MOSPD2: variants seen among roughly 807,000 people sequenced by gnomAD.
MOSPD2 encodes motile sperm domain-containing protein 2.
A neutral mutation model predicts 41.7 loss-of-function variants in MOSPD2; 5 were observed. The observed-to-expected ratio is 0.12, with a 90% confidence interval of 0.06 to 0.25. MOSPD2 has a LOEUF of 0.25. Ranked by LOEUF, MOSPD2 falls within the 10% of genes least tolerant of loss-of-function variation. MOSPD2 has a pLI of 1.00. For missense variants in MOSPD2, 282 were observed against 375.2 expected (o/e 0.75, Z 2.05); for synonymous variants, 115 against 126.9 (o/e 0.91, Z 0.63).
chrX:14,877,158 T>TA (rs1294931438), intron 2 of MOSPD2, among the ~76,000 whole-genome samples: 1 of 111,774 alleles, frequency 8.9e-6, no homozygotes, highest in Non-Finnish European at 1.9e-5. Flanking sequence ...CATGTGTTTG[T>TA]ACTTTAGTTA....
chrX:14,919,999 T>C lies in MOSPD2; in HGVS notation c.*190T>C, dbSNP rs756407781. On this transcript the variant is annotated 3_prime_UTR_variant, in exon 15 of 15. Coordinates refer to ENST00000380492, the MANE Select transcript of MOSPD2 (RefSeq NM_152581.4). ...CTAGAATAAAGAAATGCTGGAGAAATTGATTATAAGAGACTATAGCTATTT... is the reference window on the plus strand; with the variant it reads ...CTAGAATAAAGAAATGCTGGAGAAACTGATTATAAGAGACTATAGCTATTT... 1.0e-6 allele frequency: 1 copy of C among 969,234 alleles called. No homozygotes were observed. Among genetic ancestry groups the C allele is most frequent in the East Asian group, 4.1e-5 (1 of 24,473 alleles). 79.9% of individuals were successfully genotyped at this position (969,234 alleles called of 1,213,427 possible). A position where few individuals can be genotyped will look rare whatever the true frequency, so the allele number is the denominator to read the frequency against.
At chrX:14,901,474 T>G (rs1313103523) in intron 6 of MOSPD2, among the ~76,000 whole-genome samples, 1 of 111,436 alleles carries the variant, frequency 9.0e-6, no homozygotes, top group South Asian at 3.7e-4. Flanking sequence ...ATTATCTTAA[T>G]TTGGCATGTT....
intron 2 of MOSPD2, among the ~76,000 whole-genome samples, chrX:14,883,503 A>G (rs2092535705): frequency 8.9e-6 from 1 of 112,049 alleles, no homozygotes; most frequent in Non-Finnish European, 1.9e-5. Context: ...ATTTCAATCA[A>G]AACTAGTTTA....
chrX:14,893,281 C>T (rs761856700), intron 3 of MOSPD2: 28 of 114,572 alleles, frequency 2.4e-4, no homozygotes, highest in African/African-American at 6.8e-4. Flanking sequence ...TTAATAGGTA[C>T]GCCATATAGA....
intron 7 of MOSPD2, 148 bp downstream of exon 7, chrX:14,903,152 A>G: frequency 2.3e-6 from 1 of 426,268 alleles, no homozygotes; most frequent in Non-Finnish European, 4.1e-6. Context: ...CTCAAAGGCT[A>G]TTCCTAAGCA....
intron 7 of MOSPD2, among the ~76,000 whole-genome samples, chrX:14,905,958 T>C (rs2092581402): frequency 8.9e-6 from 1 of 111,757 alleles, no homozygotes. Context: ...AATCCATGGA[T>C]GTGAAACCTG....
chrX:14,882,299 C>G (rs763635664), intron 2 of MOSPD2, among the ~76,000 whole-genome samples: 9 of 110,720 alleles, frequency 8.1e-5, no homozygotes, highest in African/African-American at 3.0e-4. Flanking sequence ...ATTGAACTCA[C>G]GCAAGTAGTG....
At chrX:14,877,085 AGG>A (rs1488072222) in intron 2 of MOSPD2, among the ~76,000 whole-genome samples, 1 of 111,501 alleles carries the variant, frequency 9.0e-6, no homozygotes, top group Non-Finnish European at 1.9e-5. Flanking sequence ...AACCTTAAGG[AGG>A]GTAAGCACAC....
chrX:14,877,789 C>T (rs372332077), intron 2 of MOSPD2, among the ~76,000 whole-genome samples: 10 of 105,062 alleles, frequency 9.5e-5, no homozygotes, highest in Admixed American at 8.1e-4. Flanking sequence ...CTGGCGAACA[C>T]GGTGAAACCC....
Position 14,885,604 on chromosome X carries a change from G to A in MOSPD2, c.80-7119G>A, listed in dbSNP as rs368136519. 65 of 111,207 alleles carry A rather than the reference G, an allele frequency of 5.8e-4. 1 individual carries two copies. The South Asian group carries it at 0.022, about 38-fold the overall frequency. 9.2% of individuals were successfully genotyped at this position (111,207 alleles called of 1,213,427 possible). On this transcript the variant is annotated intron_variant, in intron 2 of 14. Transcript: ENST00000380492. ...TATATAGGATAACTTAGTTATGAAC[G>A]TGGCAGGAAAATATGAGGTATAAAG...
chrX:14,921,284 A>G lies in MOSPD2; in HGVS notation c.*1475A>G, dbSNP rs1236098753. ...TGATTCCAAAACTGAGTTATGAAGA[A>G]TGATATAACAGTTCCTTCAAAATTG... On this transcript the variant is annotated 3_prime_UTR_variant, in exon 15 of 15. Transcript: ENST00000380492. 1.1e-6 allele frequency: 1 copy of G among 930,952 alleles called. No individual in the cohort carries two copies. Among genetic ancestry groups the G allele is most frequent in the African/African-American group, 2.1e-5 (1 of 48,729 alleles). 76.7% of individuals were successfully genotyped at this position (930,952 alleles called of 1,213,427 possible). A position where few individuals can be genotyped will look rare whatever the true frequency, so the allele number is the denominator to read the frequency against.
intron 6 of MOSPD2, among the ~76,000 whole-genome samples, chrX:14,902,378 A>C (rs2092574670): frequency 9.0e-6 from 1 of 111,580 alleles, no homozygotes; most frequent in African/African-American, 3.3e-5. Flanking sequence ...AGTATCTTCA[A>C]CTCAGTGTGT....
chrX:14,880,047 C>G (rs1231359086), intron 2 of MOSPD2, among the ~76,000 whole-genome samples: 1 of 110,076 alleles, frequency 9.1e-6, no homozygotes, highest in Non-Finnish European at 1.9e-5. Context: ...AAAACAAAAA[C>G]CACTTTTGTT....
chrX:14,916,322 C>T lies in MOSPD2; in HGVS notation c.1312C>T (p.His438Tyr), dbSNP rs145446651. The T allele has an allele frequency of 3.3e-6, 4 of 1,209,748 alleles. No homozygotes were observed. The highest frequency in any genetic ancestry group is 4.5e-6 in the Non-Finnish European group (4 of 894,840). ...AGTTCCCAGAAACAAAGTGATGGAA[C>T]ATAGGTAAGCTTTTCCCTCACATTC... is the stretch of plus-strand genomic sequence containing the variant. ...KEVPRNKVMEHRLRCHTVESS... is the reference protein window; with the variant it reads ...KEVPRNKVMEYRLRCHTVESS... Residue 438 changes from histidine to tyrosine, a missense_variant, in exon 13 of 15, where the codon CAT becomes TAT. Coordinates refer to ENST00000380492, the MANE Select transcript of MOSPD2 (RefSeq NM_152581.4).
chrX:14,920,347 T>C lies in MOSPD2; in HGVS notation c.*538T>C. The C allele has an allele frequency of 1.3e-6, 1 of 753,704 alleles. No individual in the cohort carries two copies. The highest frequency in any genetic ancestry group is 1.6e-6 in the Non-Finnish European group (1 of 638,403). 62.1% of individuals were successfully genotyped at this position (753,704 alleles called of 1,213,427 possible). On this transcript the variant is annotated 3_prime_UTR_variant, in exon 15 of 15. Transcript: ENST00000380492. ...TAATTTTGAGAATTCCTCCCAGTGA[T>C]GGTCAGTATTCTTTTGGAATGTAAA... is the stretch of plus-strand genomic sequence containing the variant.
At chrX:14,878,964 T>G (rs2092526626) in intron 2 of MOSPD2, among the ~76,000 whole-genome samples, 1 of 112,150 alleles carries the variant, frequency 8.9e-6, no homozygotes, top group Non-Finnish European at 1.9e-5. Context: ...GGGAACAGTT[T>G]TCTGCATTTG....
Position 14,920,633 on chromosome X carries a change from G to A in MOSPD2, c.*824G>A. 1.3e-6 allele frequency: 1 copy of A among 753,455 alleles called. No individual in the cohort carries two copies. The highest frequency in any genetic ancestry group is 1.6e-6 in the Non-Finnish European group (1 of 639,024). 62.1% of individuals were successfully genotyped at this position (753,455 alleles called of 1,213,427 possible). ...ACCTTTTGCCTAATTTATTATAAAG[G>A]CCTGACCCTCTATTGTCCCATCTTC... On this transcript the variant is annotated 3_prime_UTR_variant, in exon 15 of 15. Coordinates refer to ENST00000380492, the MANE Select transcript of MOSPD2 (RefSeq NM_152581.4).
chrX:14,905,795 C>T (rs923060024), intron 7 of MOSPD2, among the ~76,000 whole-genome samples: 2 of 111,720 alleles, frequency 1.8e-5, no homozygotes, highest in African/African-American at 6.5e-5. Context: ...CCTGGCCCCT[C>T]CTATATACTT....
intron 2 of MOSPD2, among the ~76,000 whole-genome samples, chrX:14,879,586 G>A (rs2092527749): frequency 9.0e-6 from 1 of 111,131 alleles, no homozygotes; most frequent in Non-Finnish European, 1.9e-5. Flanking sequence ...AGAAACTTTT[G>A]GGGGGTCTGC....
Sources: allele counts gnomAD v4.1 joint callset (sites outside exome capture counted in the v4.1 genomes callset), GRCh38; gene constraint gnomAD v4.1.1; transcripts MANE v1.5; gene names NCBI Gene and HGNC (gene_info 2026-07-23, HGNC 2026-07-21).